SYT1: variants seen among roughly 807,000 people sequenced by gnomAD.
SYT1 encodes synaptotagmin-1.
Under a neutral mutation model 44.8 loss-of-function variants are expected in SYT1, and 8 were observed. The observed-to-expected ratio is 0.18, with a 90% CI of 0.10 to 0.32. The LOEUF (loss-of-function observed/expected upper bound fraction) is 0.32, where lower values mean the gene tolerates loss of function less well. Ranked by LOEUF, SYT1 falls within the 10% of genes least tolerant of loss-of-function variation. The probability of loss-of-function intolerance (pLI) is 1.00; values close to 1 mark genes in which losing one functional copy is unlikely to be tolerated. For missense variants in SYT1, 286 were observed against 509.3 expected, an observed-to-expected ratio of 0.56 and a Z score of 4.22; for synonymous variants, 154 against 188.8, an observed-to-expected ratio of 0.82 and a Z score of 1.51.
At chr12:79,431,647 G>A (rs1405827420) in intron 9 of SYT1, among the ~76,000 whole-genome samples, 2 of 151,904 alleles carry the variant, frequency 1.3e-5, no homozygotes, top group Admixed American at 6.6e-5. Context: ...GGGTTCAAGC[G>A]ATTATTCTGC....
chr12:79,118,369 G>C (rs1428379806), intron 3 of SYT1, among the ~76,000 whole-genome samples: 1 of 152,094 alleles, frequency 6.6e-6, no homozygotes, highest in Non-Finnish European at 1.5e-5. Flanking sequence ...ATGATCATAA[G>C]GTTAAACATT....
At chr12:79,030,495 T>A (rs1872765397) in intron 2 of SYT1, among the ~76,000 whole-genome samples, 1 of 151,084 alleles carries the variant, frequency 6.6e-6, no homozygotes, top group Non-Finnish European at 1.5e-5. Context: ...CCATTAGGGC[T>A]TTTACTATTC....
intron 1 of SYT1, among the ~76,000 whole-genome samples, chr12:78,877,170 T>G (rs554288386): frequency 6.6e-6 from 1 of 150,938 alleles, no homozygotes; most frequent in Non-Finnish European, 1.5e-5. Context: ...GTTTAATGGA[T>G]TCACAGTTCC....
intron 6 of SYT1, among the ~76,000 whole-genome samples, chr12:79,292,351 G>A (rs1879628441): frequency 6.6e-6 from 1 of 152,094 alleles, no homozygotes; most frequent in African/African-American, 2.4e-5. Flanking sequence ...ACATCTACTT[G>A]TGGCACTTTC....
intron 3 of SYT1, among the ~76,000 whole-genome samples, chr12:79,054,289 G>A (rs1029665296): frequency 4.0e-4 from 61 of 151,982 alleles, no homozygotes; most frequent in East Asian, 1.7e-3. Flanking sequence ...ATGTGCACAC[G>A]TTACTTTTCT....
intron 9 of SYT1, among the ~76,000 whole-genome samples, chr12:79,430,116 T>C (rs1219783210): frequency 6.6e-6 from 1 of 152,136 alleles, no homozygotes. Context: ...ACTGTATATC[T>C]CTATGTAGAG....
At position 79,045,061 on chromosome 12, in the gene SYT1, C is replaced by T. The variant is rs552600961; in HGVS notation, c.-83-2236C>T. 2.4e-3 allele frequency among the ~76,000 whole-genome samples: 362 copies of T among 152,200 alleles called. 1 individual carries two copies. The highest frequency in any genetic ancestry group is 3.7e-3 in the Non-Finnish European group (254 of 67,992). ...GGGACATTTAAGTCTGCAGAGGTTA[C>T]TGCTGTCTTTTTGTTTGTCTGTGCC... is the stretch of plus-strand genomic sequence containing the variant. On this transcript the variant is annotated intron_variant, in intron 2 of 10. Transcript: ENST00000261205.
chr12:79,022,043 A>G (rs1872230029), intron 2 of SYT1, among the ~76,000 whole-genome samples: 1 of 151,752 alleles, frequency 6.6e-6, no homozygotes, highest in African/African-American at 2.4e-5. Flanking sequence ...AAGTTCACAA[A>G]TCAATGTCAC....
At chr12:79,149,905 T>C (rs1870161413) in intron 3 of SYT1, among the ~76,000 whole-genome samples, 1 of 152,190 alleles carries the variant, frequency 6.6e-6, no homozygotes, top group South Asian at 2.1e-4. Context: ...TTCTGACACA[T>C]AGTAGCTGAC....
chr12:78,989,023 T>A (rs1049130008), intron 2 of SYT1, among the ~76,000 whole-genome samples: 1 of 152,232 alleles, frequency 6.6e-6, no homozygotes, highest in East Asian at 1.9e-4. Context: ...GACTTGTTGA[T>A]GAATTGAATA....
chr12:79,040,211 A>G (rs1396932460), intron 2 of SYT1, among the ~76,000 whole-genome samples: 2 of 151,360 alleles, frequency 1.3e-5, no homozygotes, highest in East Asian at 3.9e-4. Flanking sequence ...GACTTCCACA[A>G]TGGTTGAACT....
At chr12:79,431,513 A>ATTATTTATTTATTTAT (rs35004307) in intron 9 of SYT1, among the ~76,000 whole-genome samples, 5 of 142,702 alleles carry the variant, frequency 3.5e-5, no homozygotes, top group African/African-American at 1.1e-4. Context: ...ATTTTATTTT[A>ATTATTTATTTATTTAT]TTATTTATTT....
intron 4 of SYT1, among the ~76,000 whole-genome samples, chr12:79,283,695 A>T (rs987075543): frequency 6.6e-6 from 1 of 152,140 alleles, no homozygotes; most frequent in Admixed American, 6.5e-5. Context: ...AAGTATTATG[A>T]ATGATATCAT....
At chr12:78,887,107 T>C (rs1874792259) in intron 1 of SYT1, among the ~76,000 whole-genome samples, 2 of 152,012 alleles carry the variant, frequency 1.3e-5, no homozygotes, top group South Asian at 4.1e-4. Context: ...TCTGAAAATA[T>C]TAAATGGAAA....
intron 1 of SYT1, among the ~76,000 whole-genome samples, chr12:78,962,552 A>G (rs1879566433): frequency 1.3e-5 from 2 of 152,030 alleles, no homozygotes; most frequent in Admixed American, 1.3e-4. Flanking sequence ...AAGTATATAT[A>G]TGTGAGGTGT....
chr12:79,325,770 C>T (rs1881582366), intron 8 of SYT1, among the ~76,000 whole-genome samples: 1 of 152,208 alleles, frequency 6.6e-6, no homozygotes, highest in South Asian at 2.1e-4. Context: ...GCTAACCTCC[C>T]TGTGCTTTAA....
intron 1 of SYT1, among the ~76,000 whole-genome samples, chr12:78,952,508 G>A (rs1166196658): frequency 6.6e-6 from 1 of 152,070 alleles, no homozygotes; most frequent in Non-Finnish European, 1.5e-5. Context: ...ATTCGGCATG[G>A]ACTGTCAGGA....
At chr12:79,377,172 C>T (rs1278918490) in intron 9 of SYT1, among the ~76,000 whole-genome samples, 3 of 152,018 alleles carry the variant, frequency 2.0e-5, no homozygotes, top group East Asian at 1.9e-4. Context: ...AGTGCAGTGG[C>T]GCAATCTCAG....
chr12:79,129,034 T>C (rs1379920176), intron 3 of SYT1, among the ~76,000 whole-genome samples: 1 of 152,152 alleles, frequency 6.6e-6, no homozygotes, highest in Non-Finnish European at 1.5e-5. Context: ...CAGTGTCATT[T>C]TATGTTAGAG....
Sources: gnomAD v4.1 joint callset for allele counts (sites outside exome capture counted in the v4.1 genomes callset) on GRCh38, gnomAD v4.1.1 for gene constraint, MANE v1.5 for transcripts, NCBI Gene and HGNC (gene_info 2026-07-23, HGNC 2026-07-21) for gene names.